The following KCNMA1 variants were observed in gnomAD, a reference collection of about 807,000 sequenced individuals.
KCNMA1 encodes the protein potassium calcium-activated channel subfamily M alpha 1, also known as Calcium-activated potassium channel subunit alpha-1.
KCNMA1 carries 29 observed loss-of-function variants against 140.0 expected under a neutral mutation model. The observed-to-expected ratio is 0.21, with a 90% confidence interval of 0.15 to 0.28. KCNMA1 has a LOEUF of 0.28. Ranked by LOEUF, KCNMA1 falls within the 10% of genes least tolerant of loss-of-function variation. KCNMA1 has a pLI of 1.00. For missense variants in KCNMA1, 880 were observed against 1,602.2 expected (o/e 0.55, Z 7.70); for synonymous variants, 612 against 611.9 (o/e 1.00, Z 0.00).
At chr10:77,074,857 A>G (rs909773811) in intron 13 of KCNMA1, among the ~76,000 whole-genome samples, 1 of 152,164 alleles carries the variant, frequency 6.6e-6, no homozygotes, top group Non-Finnish European at 1.5e-5. Flanking sequence ...CTTTGAAGTT[A>G]TTATTTCTCT....
At chr10:77,004,978 T>C (rs908952385) in intron 18 of KCNMA1, among the ~76,000 whole-genome samples, 1 of 152,210 alleles carries the variant, frequency 6.6e-6, no homozygotes, top group South Asian at 2.1e-4. Flanking sequence ...TCTTATCTAC[T>C]CCCTGGCCAC....
rs1294345340 is a variant in KCNMA1, at chr10:77,266,981, C to A, written c.541-15725G>T. ...ACAGTCTGAAGTAGGGACAGACACT[C>A]AACAAATGACCCCACTAGTGAGTAA... On this transcript the variant is annotated intron_variant, in intron 2 of 27. Coordinates refer to ENST00000286628, the MANE Select transcript of KCNMA1 (RefSeq NM_001161352.2). Among the ~76,000 whole-genome samples, 5 of 152,284 alleles carry A rather than the reference C, an allele frequency of 3.3e-5. 2 individuals carry two copies. The highest frequency in any genetic ancestry group is 3.3e-4 in the Admixed American group (5 of 15,296).
intron 3 of KCNMA1, among the ~76,000 whole-genome samples, chr10:77,189,459 T>C (rs2098919294): frequency 1.3e-5 from 2 of 152,186 alleles, no homozygotes; most frequent in South Asian, 4.1e-4. Flanking sequence ...CCAGTGGACG[T>C]TCCAATTAAC....
chr10:77,553,235 C>A (rs531908116), intron 1 of KCNMA1, among the ~76,000 whole-genome samples: 9 of 151,718 alleles, frequency 5.9e-5, no homozygotes, highest in African/African-American at 2.2e-4. Context: ...CTTTTTTTTC[C>A]CCCGTGGGAC....
At chr10:77,490,384 A>G (rs1457652176) in intron 1 of KCNMA1, among the ~76,000 whole-genome samples, 1 of 152,208 alleles carries the variant, frequency 6.6e-6, no homozygotes, top group East Asian at 1.9e-4. Context: ...ACCTAGCCTG[A>G]TTCCAGCAAG....
chr10:77,039,533 A>G lies in KCNMA1; in HGVS notation c.1854T>C (p.Val618=). The G allele has an allele frequency of 6.3e-7, 1 of 1,585,796 alleles. No homozygotes were observed. The highest frequency in any genetic ancestry group is 8.7e-7 in the Non-Finnish European group (1 of 1,154,054). ...SAFVGLSFPT[V]CELCFVKLKL... ...TCCAGTTAAAGGTCACTTACTCACA[A>G]ACAGTAGGGAAGGACAGACCCACGA... Residue 618 remains valine (V), a synonymous_variant, in exon 15 of 28, where the codon GTT becomes GTC. Transcript: ENST00000286628.
intron 2 of KCNMA1, among the ~76,000 whole-genome samples, chr10:77,380,425 A>C (rs2095342344): frequency 6.6e-6 from 1 of 152,084 alleles, no homozygotes; most frequent in African/African-American, 2.4e-5. Context: ...CCACTGAACC[A>C]CTTCAGTTTC....
At chr10:77,099,833 G>T (rs2097053307) in intron 9 of KCNMA1, among the ~76,000 whole-genome samples, 1 of 152,130 alleles carries the variant, frequency 6.6e-6, no homozygotes, top group African/African-American at 2.4e-5. Context: ...CACATCAGCG[G>T]ATTCCCAACC....
rs72088425 is a variant in KCNMA1, at chr10:77,152,278, T to TTGTGTGTGTGTGTGTGTGTG, written c.808+31123_808+31142dup. ...TGGAGACTCTTCTGTTTTTTTGCTT[T>TTGTGTGTGTGTGTGTGTGTG]TGTGTGTGTGTGTGTGTGTGTGTGT... On this transcript the variant is annotated intron_variant, in intron 5 of 27. Transcript: ENST00000286628. Among the ~76,000 whole-genome samples, 511 of 99,140 alleles carry TTGTGTGTGTGTGTGTGTGTG rather than the reference T, an allele frequency of 5.2e-3. 1 individual carries two copies. Among genetic ancestry groups the TTGTGTGTGTGTGTGTGTGTG allele is most frequent in the African/African-American group, 0.015 (427 of 28,772 alleles). 65.0% of individuals were successfully genotyped at this position (99,140 alleles called of 152,430 possible).
chr10:77,374,934 A>G (rs2094978592), intron 2 of KCNMA1, among the ~76,000 whole-genome samples: 1 of 152,218 alleles, frequency 6.6e-6, no homozygotes, highest in Non-Finnish European at 1.5e-5. Flanking sequence ...CTGGACTGTT[A>G]GCAAAGGAAT....
chr10:77,154,812 CAACT>C (rs2098464179), intron 5 of KCNMA1, among the ~76,000 whole-genome samples: 1 of 152,338 alleles, frequency 6.6e-6, no homozygotes, highest in South Asian at 2.1e-4. Context: ...CATCAAGAAA[CAACT>C]AAACAATGAA....
chr10:77,568,759 A>G (rs1445259793), intron 1 of KCNMA1, among the ~76,000 whole-genome samples: 2 of 150,992 alleles, frequency 1.3e-5, no homozygotes, highest in Non-Finnish European at 3.0e-5. Flanking sequence ...AGAAGGAAAT[A>G]AAGGGTATTC....
chr10:77,100,428 C>T (rs1256560055), intron 9 of KCNMA1, among the ~76,000 whole-genome samples: 1 of 152,088 alleles, frequency 6.6e-6, no homozygotes, highest in African/African-American at 2.4e-5. Flanking sequence ...TGGAACAGTC[C>T]CTGTGGTTCT....
At chr10:76,941,053 GAGAA>G (rs1481372013) in intron 23 of KCNMA1, among the ~76,000 whole-genome samples, 2 of 55,156 alleles carry the variant, frequency 3.6e-5, no homozygotes, top group African/African-American at 7.7e-5. Context: ...AAGAAAGAAA[GAGAA>G]AGAAAGAAAG....
In KCNMA1 at chr10:77,353,888, A is replaced by G. The variant is rs536383605; in HGVS notation, c.540+49974T>C. Among the ~76,000 whole-genome samples, 4 of 151,582 alleles carry G rather than the reference A, an allele frequency of 2.6e-5. No homozygotes were observed. In the East Asian group the frequency reaches 7.8e-4, roughly 30 times the overall value. On this transcript the variant is annotated intron_variant, in intron 2 of 27. Transcript: ENST00000286628. The stretch of plus-strand genomic sequence containing the variant: ...ACATGAACGCAGGCACAGTTGGTGA[A>G]CAGTAGAGCCAGGATTCAGACTCAG...
intron 25 of KCNMA1, among the ~76,000 whole-genome samples, chr10:76,892,182 C>T (rs966238797): frequency 1.3e-5 from 2 of 152,178 alleles, no homozygotes; most frequent in African/African-American, 4.8e-5. Context: ...CAAAACCTTT[C>T]ATTAATGCCA....
chr10:77,061,297 T>G (rs2095741086), intron 14 of KCNMA1, among the ~76,000 whole-genome samples: 1 of 152,014 alleles, frequency 6.6e-6, no homozygotes, highest in South Asian at 2.1e-4. Flanking sequence ...ATCCAAAATA[T>G]ATAAAGAATT....
chr10:76,977,750 C>T (rs2078104111), intron 19 of KCNMA1: 1 of 653,602 alleles, frequency 1.5e-6, no homozygotes, highest in South Asian at 1.7e-5. Context: ...CTGTCCCTAC[C>T]ACCCAACCTG....
chr10:77,558,908 C>T (rs1044516628), intron 1 of KCNMA1, among the ~76,000 whole-genome samples: 7 of 152,228 alleles, frequency 4.6e-5, no homozygotes, highest in Non-Finnish European at 8.8e-5. Context: ...TCTAATGAGT[C>T]TTTCTTTAAA....
Sources: allele counts gnomAD v4.1 joint callset (sites outside exome capture counted in the v4.1 genomes callset), GRCh38; gene constraint gnomAD v4.1.1; transcripts MANE v1.5; gene names NCBI Gene and HGNC (gene_info 2026-07-23, HGNC 2026-07-21).